The following LRRC71 variants were observed in gnomAD, a reference collection of about 807,000 sequenced individuals.
The protein encoded by LRRC71 is leucine-rich repeat-containing protein 71.
A neutral mutation model predicts 66.6 loss-of-function variants in LRRC71; 54 were observed. The ratio of observed to expected loss-of-function variants is 0.81; its 90% CI spans 0.65 to 1.02. The LOEUF is 1.02. LRRC71 is among the 50% of genes least tolerant of loss of function. LRRC71 has a pLI of 0.00. For missense variants in LRRC71, 724 were observed against 718.0 expected (o/e 1.01, Z -0.10); for synonymous variants, 323 against 303.9 (o/e 1.06, Z -0.65).
chr1:156,921,868 G>T (rs1257210595), intron 1 of LRRC71, among the ~76,000 whole-genome samples: 1 of 152,178 alleles, frequency 6.6e-6, no homozygotes, highest in East Asian at 1.9e-4. Context: ...GGATAGGGCA[G>T]TGAGAATGGT....
At chr1:156,934,556 T>C (rs1376560963), downstream of LRRC71, among the ~76,000 whole-genome samples, 1 of 152,100 alleles carries the variant, frequency 6.6e-6, no homozygotes, top group Non-Finnish European at 1.5e-5. Context: ...TGTGTGTATA[T>C]CTATATATGT....
At chr1:156,939,703 C>G in the LRRC71 span, 1 of 1,614,122 alleles carries the variant, frequency 6.2e-7, no homozygotes, top group Non-Finnish European at 8.5e-7. Flanking sequence ...CTGCTCTGGC[C>G]GTTCCCCCTC....
chr1:156,939,939 C>T, the LRRC71 span: 7 of 1,595,292 alleles, frequency 4.4e-6, no homozygotes, highest in African/African-American at 8.1e-5. Flanking sequence ...GATGTCTTCC[C>T]AGCATGGGAC....
the LRRC71 span, chr1:156,939,307 T>C: frequency 1.8e-6 from 1 of 569,876 alleles, no homozygotes; most frequent in South Asian, 2.1e-5. Flanking sequence ...AGTTCAGAGA[T>C]GATTCAGAAT....
the LRRC71 span, among the ~76,000 whole-genome samples, chr1:156,940,757 C>T: frequency 0.17 from 25,638 of 152,070 alleles, 2,214 homozygotes; most frequent in East Asian, 0.31. Flanking sequence ...CTGGACAGTG[C>T]TGGCTACAGT....
chr1:156,927,828 G>A lies in LRRC71; in HGVS notation c.906+12G>A, dbSNP rs1043376035. 2.5e-6 allele frequency: 4 copies of A among 1,613,340 alleles called. No individual in the cohort carries two copies. Among genetic ancestry groups the A allele is most frequent in the East Asian group, 2.2e-5 (1 of 44,860 alleles). On this transcript the variant is annotated intron_variant, in intron 8 of 14. Coordinates refer to ENST00000337428, the MANE Select transcript of LRRC71 (RefSeq NM_144702.3). ...TGAAGCTGGCTGAGGTGGGTGTGCC[G>A]ATCAGGTGGGGCAGGGGCGTGGGCG...
intron 2 of LRRC71, 108 bp from the exon 3 acceptor site, chr1:156,924,316 G>C (rs1652855631): frequency 7.0e-7 from 1 of 1,437,600 alleles, no homozygotes; most frequent in Non-Finnish European, 9.3e-7. Flanking sequence ...GCAGGCCGGC[G>C]CCTCCCCTCT....
intron 14 of LRRC71, 103 bp downstream of exon 14, chr1:156,932,648 A>C: frequency 6.2e-7 from 1 of 1,612,204 alleles, no homozygotes; most frequent in African/African-American, 1.3e-5. Flanking sequence ...TTTCCAAGGA[A>C]GGTCTGTAGT....
chr1:156,931,691 T>G (rs1654390666), intron 12 of LRRC71, among the ~76,000 whole-genome samples: 1 of 152,164 alleles, frequency 6.6e-6, no homozygotes, highest in Non-Finnish European at 1.5e-5. Context: ...TGAGCTTGCC[T>G]CTGTCAGCGC....
chr1:156,927,498 T>C lies in LRRC71; in HGVS notation c.665T>C (p.Ile222Thr), dbSNP rs1445526507. The part of the protein sequence containing the change: ...YHKLMALDST[I>T]AHLSLRNNNI... ...CATTCTCCCTCCGGCTGCCCCAGGA[T>C]TGCGCACTTGTCTCTGCGGAACAAT... is the stretch of plus-strand genomic sequence containing the variant. Residue 222 changes from isoleucine (I) to threonine (T), a missense_variant and splice_region_variant, in exon 7 of 15, where the codon ATT becomes ACT. Physicochemically the swap from Ile to Thr is moderately conservative, Grantham distance 89 (BLOSUM62 -1). Transcript: ENST00000337428. 3 of 1,526,760 alleles carry C rather than the reference T, an allele frequency of 2.0e-6. No individual in the cohort carries two copies. The highest frequency in any genetic ancestry group is 2.3e-5 in the East Asian group (1 of 44,070). The allele number at this position is 1,526,760 out of a possible 1,614,324, so 94.6% of individuals were successfully genotyped here.
chr1:156,940,447 T>C, the LRRC71 span: 13 of 1,582,956 alleles, frequency 8.2e-6, no homozygotes, highest in Admixed American at 1.0e-4. Flanking sequence ...GAGAGAAGAT[T>C]GTAAGGCAGG....
intron 11 of LRRC71, among the ~76,000 whole-genome samples, chr1:156,930,099 C>CTTTTT (rs5778012): frequency 5.5e-4 from 62 of 113,078 alleles, no homozygotes; most frequent in East Asian, 7.6e-4. Context: ...CTTTCTCTCT[C>CTTTTT]TTTTTTTTTT....
chr1:156,931,940 G>A lies in LRRC71; in HGVS notation c.1354G>A (p.Val452Ile). 6.3e-7 allele frequency: 1 copy of A among 1,593,878 alleles called. No individual in the cohort carries two copies. The highest frequency in any genetic ancestry group is 8.5e-7 in the Non-Finnish European group (1 of 1,169,814). Residue 452 changes from valine (V) to isoleucine (I), a missense_variant, in exon 13 of 15, where the codon GTC (valine) becomes ATC (isoleucine). Val to Ile is a conservative substitution (Grantham distance 29). Transcript: ENST00000337428. ...GCTGGTTGTTGAGGCTACTGAGGTG[G>A]TCAACCCTCTCCTGGAGCCTGTGGA... ...SELVVEATEV[V>I]NPLLEPVEHR...
intron 11 of LRRC71, among the ~76,000 whole-genome samples, chr1:156,930,044 C>CTCTTTCTTTCTT (rs5778011): frequency 1.2e-4 from 15 of 127,888 alleles, no homozygotes; most frequent in African/African-American, 4.6e-4. Context: ...TTCTTTCTTT[C>CTCTTTCTTTCTT]TCTTTCTTTC....
At chr1:156,932,217 C>T (rs577149376) in intron 13 of LRRC71, 190 bp downstream of exon 13, 1 of 661,904 alleles carries the variant, frequency 1.5e-6, no homozygotes, top group Non-Finnish European at 2.7e-6. Flanking sequence ...AGGCTGAGGA[C>T]AGGCGATTGG....
chr1:156,936,497 A>AATATATAT (rs1553192804), downstream of LRRC71, among the ~76,000 whole-genome samples: 343 of 33,816 alleles, frequency 0.01, 3 homozygotes, highest in East Asian at 0.035. Context: ...AAAAAAAAAA[A>AATATATAT]ATATATATAT....
Position 156,920,891 on chromosome 1 carries a change from GGA to G in LRRC71, c.92_93del (p.Glu31AlafsTer23), listed in dbSNP as rs1652251362. ...GTCTTCTGGCGCGGTGACCAAAAAG[GGA>G]GAGCGCGCGGCCAAAGAGAAGCCAG... ...QKSSGAVTKK[G>X]ERAAKEKPAT... On this transcript the variant is annotated frameshift_variant, in exon 1 of 15. Transcript: ENST00000337428. LOFTEE classifies it high-confidence loss of function. The surrounding 1 kb of genome is among the most constrained non-coding windows in gnomAD (Gnocchi z 4.9). 6.5e-7 allele frequency: 1 copy of G among 1,539,646 alleles called. No homozygotes were observed. Among genetic ancestry groups the G allele is most frequent in the Non-Finnish European group, 8.8e-7 (1 of 1,142,418 alleles).
intron 9 of LRRC71, among the ~76,000 whole-genome samples, chr1:156,928,363 C>CTCCTCT (rs1440279180): frequency 4.0e-5 from 4 of 98,784 alleles, no homozygotes; most frequent in Non-Finnish European, 7.3e-5. Context: ...CTTCTTCTTC[C>CTCCTCT]TCTTCTTCTT....
At chr1:156,933,119 A>G, downstream of LRRC71, 1 of 595,136 alleles carries the variant, frequency 1.7e-6, no homozygotes, top group South Asian at 2.2e-5. Flanking sequence ...TTTCTTCCAG[A>G]ACTACTTGGA....
Sources: gnomAD v4.1 joint callset for allele counts (sites outside exome capture counted in the v4.1 genomes callset) on GRCh38, gnomAD v4.1.1 for gene constraint, Gnocchi (gnomAD v3.1) non-coding constraint, MANE v1.5 for transcripts, NCBI Gene and HGNC (gene_info 2026-07-23, HGNC 2026-07-21) for gene names.